PIK3C2A: variants seen among roughly 807,000 people sequenced by gnomAD.
The protein encoded by PIK3C2A is phosphatidylinositol-4-phosphate 3-kinase catalytic subunit type 2 alpha.
A neutral mutation model predicts 204.5 loss-of-function variants in PIK3C2A; 97 were observed. The observed-to-expected ratio is 0.47, with a 90% CI of 0.40 to 0.56. The LOEUF (loss-of-function observed/expected upper bound fraction) is 0.56, where lower values mean the gene tolerates loss of function less well. Among genes scored for constraint, PIK3C2A ranks in the 20% least tolerant of loss-of-function variants. PIK3C2A has a pLI of 0.00. For missense variants in PIK3C2A, 1,735 were observed against 1,969.2 expected, an observed-to-expected ratio of 0.88 and a Z score of 2.25; for synonymous variants, 653 against 664.4, an observed-to-expected ratio of 0.98 and a Z score of 0.26.
In PIK3C2A at chr11:17,131,855, C is replaced by T. The variant is rs1849705892; in HGVS notation, c.2231+61G>A. The T allele has an allele frequency of 2.0e-5, 28 of 1,404,102 alleles. No individual in the cohort carries two copies. The South Asian group carries it at 3.2e-4, about 16-fold the overall frequency. The allele number at this position is 1,404,102 out of a possible 1,614,324, so 87.0% of individuals were successfully genotyped here. On this transcript the variant is annotated intron_variant, in intron 12 of 32. Coordinates refer to ENST00000691414, the MANE Select transcript of PIK3C2A (RefSeq NM_002645.4). ...ATAAAAATTAAAGCTAGGATGCATACATTGGAAAAAGTAAACAACAGGACA... is the reference window on the plus strand; with the variant it reads ...ATAAAAATTAAAGCTAGGATGCATATATTGGAAAAAGTAAACAACAGGACA...
At chr11:17,201,302 G>A (rs1852364306) in intron 1 of PIK3C2A, among the ~76,000 whole-genome samples, 1 of 151,934 alleles carries the variant, frequency 6.6e-6, no homozygotes, top group Non-Finnish European at 1.5e-5. Context: ...GCCGAGGCAG[G>A]CAGATCATGA....
At position 17,150,502 on chromosome 11, in the gene PIK3C2A, A is replaced by G. The variant is rs2137435106; in HGVS notation, c.1323T>C (p.Cys441=). ...CTTGAGGAACCATAAACCTACCATCACACGTAAAAGTAACTGGTAGCTGAA... is the reference window on the plus strand; with the variant it reads ...CTTGAGGAACCATAAACCTACCATCGCACGTAAAAGTAACTGGTAGCTGAA... The part of the protein sequence containing the change: ...EGFQLPVTFT[C]DVSSTVEIII... Residue 441 remains cysteine, a synonymous_variant, in exon 4 of 33, where the codon TGT becomes TGC. Coordinates refer to ENST00000691414, the MANE Select transcript of PIK3C2A (RefSeq NM_002645.4). 1 of 1,600,680 alleles carries G rather than the reference A, an allele frequency of 6.2e-7. No homozygotes were observed. The highest frequency in any genetic ancestry group is 8.5e-7 in the Non-Finnish European group (1 of 1,174,322).
intron 9 of PIK3C2A, among the ~76,000 whole-genome samples, chr11:17,135,386 G>A (rs1256494753): frequency 6.6e-6 from 1 of 152,070 alleles, no homozygotes; most frequent in Non-Finnish European, 1.5e-5. Flanking sequence ...AAATATCACA[G>A]AAACACAACA....
chr11:17,128,091 T>C (rs1849578305), intron 13 of PIK3C2A, among the ~76,000 whole-genome samples: 1 of 152,150 alleles, frequency 6.6e-6, no homozygotes, highest in African/African-American at 2.4e-5. Flanking sequence ...GTGAGAAATA[T>C]AAGGATACCT....
chr11:17,119,886 C>A lies in PIK3C2A; in HGVS notation c.2746G>T (p.Ala916Ser), dbSNP rs573278976. The A allele has an allele frequency of 1.9e-6, 3 of 1,610,918 alleles. No individual in the cohort carries two copies. In the South Asian group the frequency reaches 3.3e-5, roughly 18 times the overall value. ...PNCLPKILAS[A>S]PNWKWVNLAK... Reference sequence around the variant, plus strand: ...AGATTAACCCATTTCCAGTTTGGGGCGCTTGCTAATATTTTAGGAAGACAA... The same window carrying A: ...AGATTAACCCATTTCCAGTTTGGGGAGCTTGCTAATATTTTAGGAAGACAA... The change falls in exon 16 of 33, where the codon GCC (alanine) becomes TCC (serine). Residue 916 changes from alanine (A) to serine (S), a missense_variant. Physicochemically the swap from Ala to Ser is moderately conservative, Grantham distance 99. Transcript: ENST00000691414.
intron 22 of PIK3C2A, 45 bp from the exon 23 acceptor site, chr11:17,105,350 G>A: frequency 1.3e-6 from 2 of 1,502,590 alleles, no homozygotes; most frequent in Non-Finnish European, 1.8e-6. Context: ...TCTCTCCAAA[G>A]TAAGCCTTTA....
At chr11:17,168,300 G>C (rs1276192271) in intron 2 of PIK3C2A, among the ~76,000 whole-genome samples, 1 of 152,032 alleles carries the variant, frequency 6.6e-6, no homozygotes, top group East Asian at 1.9e-4. Flanking sequence ...ACAAATTATG[G>C]GCTGGGCGCA....
In PIK3C2A at chr11:17,119,205, T is replaced by C. The variant is rs761812776; in HGVS notation, c.2940+15A>G. On this transcript the variant is annotated intron_variant, in intron 17 of 32. Coordinates refer to ENST00000691414, the MANE Select transcript of PIK3C2A (RefSeq NM_002645.4). ...AGTGAAAGTATAAAGGGAGGTAATC[T>C]AGTAAAAAACTCACTTGTACAAACT... is the stretch of plus-strand genomic sequence containing the variant. 9 of 1,359,086 alleles carry C rather than the reference T, an allele frequency of 6.6e-6. No individual in the cohort carries two copies. Among genetic ancestry groups the C allele is most frequent in the Non-Finnish European group, 9.4e-6 (9 of 952,498 alleles). 84.2% of individuals were successfully genotyped at this position (1,359,086 alleles called of 1,614,324 possible). A position where few individuals can be genotyped will look rare whatever the true frequency, so the allele number is the denominator to read the frequency against.
chr11:17,114,237 C>T (rs1399484374), intron 20 of PIK3C2A, 124 bp downstream of exon 20: 5 of 524,754 alleles, frequency 9.5e-6, no homozygotes, highest in Non-Finnish European at 1.7e-5. Context: ...CTAATCACAA[C>T]CATCCATGCT....
intron 28 of PIK3C2A, among the ~76,000 whole-genome samples, chr11:17,092,956 TACTC>T (rs1216665503): frequency 6.6e-6 from 1 of 152,200 alleles, no homozygotes; most frequent in Non-Finnish European, 1.5e-5. Flanking sequence ...ATAAAATCAC[TACTC>T]AATCAGCCAT....
intron 22 of PIK3C2A, among the ~76,000 whole-genome samples, chr11:17,106,717 C>T (rs1590912647): frequency 2.0e-5 from 3 of 152,008 alleles, no homozygotes; most frequent in African/African-American, 7.2e-5. Flanking sequence ...GCTGGGATTA[C>T]AGGCGTGAGC....
chr11:17,157,459 CAAAAAAA>C (rs11387654), intron 2 of PIK3C2A, among the ~76,000 whole-genome samples: 2 of 99,630 alleles, frequency 2.0e-5, no homozygotes, highest in East Asian at 4.0e-4. Flanking sequence ...GACTCTGTCT[CAAAAAAA>C]AAAAAAAAAA....
chr11:17,159,528 A>T (rs1322094279), intron 2 of PIK3C2A, among the ~76,000 whole-genome samples: 1 of 152,208 alleles, frequency 6.6e-6, no homozygotes, highest in Non-Finnish European at 1.5e-5. Flanking sequence ...AGATTTAGTG[A>T]TCATCCAATT....
chr11:17,169,401 GT>G lies in PIK3C2A; in HGVS notation c.340del (p.Thr114HisfsTer10). 3.1e-6 allele frequency: 5 copies of G among 1,614,038 alleles called. No individual in the cohort carries two copies. Among genetic ancestry groups the G allele is most frequent in the Admixed American group, 1.7e-5 (1 of 60,006 alleles). ...LLDDSFETKK[T>X]PVLPVTPILS... ...AATAGGAGTAACTGGTAATACAGGTGTTTTTTTAGTCTCGAAACTGTCATCC... is the reference window on the plus strand; with the variant it reads ...AATAGGAGTAACTGGTAATACAGGTGTTTTTTAGTCTCGAAACTGTCATCC... On this transcript the variant is annotated frameshift_variant, in exon 2 of 33. Coordinates refer to ENST00000691414, the MANE Select transcript of PIK3C2A (RefSeq NM_002645.4). LOFTEE classifies it high-confidence loss of function.
intron 1 of PIK3C2A, among the ~76,000 whole-genome samples, chr11:17,182,867 T>C (rs1353619139): frequency 2.6e-5 from 4 of 152,156 alleles, no homozygotes; most frequent in African/African-American, 9.7e-5. Flanking sequence ...TTGAGACAGG[T>C]TCTCACTCTG....
At chr11:17,121,680 T>C (rs189806122) in intron 15 of PIK3C2A, among the ~76,000 whole-genome samples, 21 of 152,314 alleles carry the variant, frequency 1.4e-4, no homozygotes, top group African/African-American at 4.8e-4. Flanking sequence ...ATGTGTTAGA[T>C]GGTATCTTGA....
rs760412283 is a variant in PIK3C2A, at chr11:17,091,668, A to T, written c.4643-12T>A. ...GAAGGAACCTGCATCTGAAAATACA[A>T]ATATTTTCATCTTTATTTACTGGTT... On this transcript the variant is annotated splice_polypyrimidine_tract_variant and intron_variant, in intron 30 of 32. Transcript: ENST00000691414. 1.1e-5 allele frequency: 16 copies of T among 1,475,332 alleles called. No individual in the cohort carries two copies. Among genetic ancestry groups the T allele is most frequent in the Non-Finnish European group, 3.8e-6 (4 of 1,065,238 alleles). The allele number at this position is 1,475,332 out of a possible 1,614,324, so 91.4% of individuals were successfully genotyped here.
intron 1 of PIK3C2A, among the ~76,000 whole-genome samples, chr11:17,180,669 G>C (rs904069451): frequency 1.3e-5 from 2 of 152,004 alleles, no homozygotes; most frequent in Admixed American, 6.6e-5. Flanking sequence ...TAAAAATACA[G>C]AAATTAGCCA....
rs12284697 is a variant in PIK3C2A, at chr11:17,201,384, G to A, written c.-66+6464C>T. 6.5e-3 allele frequency among the ~76,000 whole-genome samples: 979 copies of A among 150,554 alleles called. 19 individuals carry two copies. The highest frequency in any genetic ancestry group is 0.021 in the African/African-American group (874 of 41,034). ...TCTACTAAAAATACAAAAATTAGCC[G>A]GGCGTGGTGACGTGTGCCTGTAATC... is the stretch of plus-strand genomic sequence containing the variant. On this transcript the variant is annotated intron_variant, in intron 1 of 32. Coordinates refer to ENST00000691414, the MANE Select transcript of PIK3C2A (RefSeq NM_002645.4).
Sources: allele counts gnomAD v4.1 joint callset (sites outside exome capture counted in the v4.1 genomes callset), GRCh38; gene constraint gnomAD v4.1.1; transcripts MANE v1.5; gene names NCBI Gene and HGNC (gene_info 2026-07-23, HGNC 2026-07-21).